TTLL9: variants seen among roughly 807,000 people sequenced by gnomAD.
TTLL9 encodes probable tubulin polyglutamylase TTLL9.
A neutral mutation model predicts 65.6 loss-of-function variants in TTLL9; 47 were observed. The ratio of observed to expected loss-of-function variants is 0.72; its 90% CI spans 0.57 to 0.91. The LOEUF (loss-of-function observed/expected upper bound fraction) is 0.91. Ranked by LOEUF, TTLL9 falls within the 40% of genes least tolerant of loss-of-function variation. TTLL9 has a pLI of 0.00. For synonymous variants in TTLL9, 179 were observed against 204.8 expected (o/e 0.87, Z 1.07); for missense variants, 537 against 568.8 (o/e 0.94, Z 0.57).
chr20:31,943,836 G>T lies in TTLL9; in HGVS notation c.*815G>T. The T allele has an allele frequency of 2.2e-6, 1 of 456,618 alleles. No homozygotes were observed. Among genetic ancestry groups the T allele is most frequent in the South Asian group, 1.5e-5 (1 of 64,556 alleles). 28.3% of individuals were successfully genotyped at this position (456,618 alleles called of 1,614,324 possible). On this transcript the variant is annotated 3_prime_UTR_variant, in exon 15 of 15. Coordinates refer to ENST00000535842, the MANE Select transcript of TTLL9 (RefSeq NM_001008409.5). ...TGGGCTCATGGGCAGGACAGCTTCG[G>T]GAGTTGAGTGTGAGTAAAAATCTGC...
chr20:31,874,817 G>A lies in TTLL9; in HGVS notation c.69+3622G>A, dbSNP rs145381537. On this transcript the variant is annotated intron_variant, in intron 2 of 14. Transcript: ENST00000535842. Reference sequence around the variant, plus strand: ...GGAGGCAGGAGAGTAGGAATCAGAGGGGATGAGATGACGGAAGCAGAAGTC... The same window carrying A: ...GGAGGCAGGAGAGTAGGAATCAGAGAGGATGAGATGACGGAAGCAGAAGTC... Among the ~76,000 whole-genome samples the A allele has an allele frequency of 6.8e-3, 1,039 of 152,268 alleles. 2 individuals carry two copies. Among genetic ancestry groups the A allele is most frequent in the Non-Finnish European group, 0.011 (735 of 68,020 alleles).
At chr20:31,895,805 T>A (rs1600547631) in intron 3 of TTLL9, among the ~76,000 whole-genome samples, 1 of 146,802 alleles carries the variant, frequency 6.8e-6, no homozygotes, top group South Asian at 2.2e-4. Flanking sequence ...AACAGTAAGG[T>A]TATTCATGTA....
intron 2 of TTLL9, among the ~76,000 whole-genome samples, chr20:31,882,884 T>A (rs1219233690): frequency 6.6e-6 from 1 of 151,724 alleles, no homozygotes; most frequent in Non-Finnish European, 1.5e-5. Flanking sequence ...AGAAGAAAAA[T>A]CCCCAAGGAA....
Position 31,934,898 on chromosome 20 carries a change from T to G in TTLL9, c.1004+10T>G. 6.2e-7 allele frequency: 1 copy of G among 1,605,636 alleles called. No homozygotes were observed. The highest frequency in any genetic ancestry group is 8.5e-7 in the Non-Finnish European group (1 of 1,174,452). On this transcript the variant is annotated intron_variant, in intron 12 of 14. Coordinates refer to ENST00000535842, the MANE Select transcript of TTLL9 (RefSeq NM_001008409.5). ...ACCAGGACCTCAAGCCGTAAGTGGG[T>G]GGGTGGGAGAGCCAGGAGGTCATAG...
Position 31,908,688 on chromosome 20 carries a change from C to G in TTLL9, c.304C>G (p.Arg102Gly). 6.2e-7 allele frequency: 1 copy of G among 1,614,024 alleles called. No homozygotes were observed. The highest frequency in any genetic ancestry group is 1.7e-5 in the Admixed American group (1 of 60,014). ...TGAACATGTGCGGATCAGTCACTTC[C>G]GGAACCACTATGAGGTGAGCTGGGC... ...MDEHVRISHF[R>G]NHYELTRKNY... is the part of the protein sequence containing the mutation. Residue 102 changes from arginine to glycine, a missense_variant, in exon 5 of 15, where the codon CGG (arginine) becomes GGG (glycine). Physicochemically the swap from Arg to Gly is moderately radical, Grantham distance 125. Coordinates refer to ENST00000535842, the MANE Select transcript of TTLL9 (RefSeq NM_001008409.5).
In TTLL9 at chr20:31,923,071, G is replaced by GC; in HGVS notation, c.664+19dup. The GC allele has an allele frequency of 1.3e-6, 2 of 1,577,784 alleles. No individual in the cohort carries two copies. Among genetic ancestry groups the GC allele is most frequent in the Non-Finnish European group, 8.7e-7 (1 of 1,147,066 alleles). On this transcript the variant is annotated intron_variant, in intron 8 of 14. Coordinates refer to ENST00000535842, the MANE Select transcript of TTLL9 (RefSeq NM_001008409.5). ...GATAGGAGGTGAGATGGCTGTGTCTGCTCCTGCTCTTCCATTGCATGGTCA... is the reference window on the plus strand; with the variant it reads ...GATAGGAGGTGAGATGGCTGTGTCTGCCTCCTGCTCTTCCATTGCATGGTCA...
intron 3 of TTLL9, among the ~76,000 whole-genome samples, chr20:31,893,942 A>G (rs2063346122): frequency 6.6e-6 from 1 of 152,018 alleles, no homozygotes; most frequent in South Asian, 2.1e-4. Context: ...CTGTTCATGT[A>G]TAAATTTTTT....
intron 10 of TTLL9, among the ~76,000 whole-genome samples, chr20:31,928,823 G>T (rs2063954846): frequency 6.6e-6 from 1 of 152,218 alleles, no homozygotes; most frequent in Admixed American, 6.5e-5. Context: ...CTTTAAGGAA[G>T]AATGTTTATG....
intron 4 of TTLL9, 100 bp from the exon 5 acceptor site, chr20:31,908,491 T>C (rs2063593549): frequency 2.6e-6 from 2 of 756,096 alleles, no homozygotes; most frequent in Non-Finnish European, 4.6e-6. Context: ...CACAGTGCTG[T>C]GTACCCTTCC....
At chr20:31,932,730 G>A (rs377083202) in intron 10 of TTLL9, among the ~76,000 whole-genome samples, 1 of 152,038 alleles carries the variant, frequency 6.6e-6, no homozygotes, top group East Asian at 1.9e-4. Flanking sequence ...GGGTGTGGTG[G>A]CTCACACCTG....
At chr20:31,873,159 G>T in intron 2 of TTLL9, 1 of 395,568 alleles carries the variant, frequency 2.5e-6, no homozygotes. Flanking sequence ...AGATTGACTG[G>T]ATGTGGGGGG....
At chr20:31,875,648 T>A (rs544233978) in intron 2 of TTLL9, among the ~76,000 whole-genome samples, 342 of 152,358 alleles carry the variant, frequency 2.2e-3, no homozygotes, top group Non-Finnish European at 4.1e-3. Context: ...ATCCTACTAT[T>A]ATGCATTCAA....
intron 6 of TTLL9, among the ~76,000 whole-genome samples, chr20:31,913,862 G>A (rs991339674): frequency 3.3e-5 from 5 of 152,228 alleles, no homozygotes; most frequent in Non-Finnish European, 5.9e-5. Flanking sequence ...AGGGTTGGTG[G>A]GGAGGTGGGC....
rs560963369 is a variant in TTLL9 at position 31,923,191 on chromosome 20, C to T, written c.664+138C>T. ...GATGCATGGAAAGAGATGGGTTCTG[C>T]AGTCTCCCACCTCCTAGCCATTGCC... On this transcript the variant is annotated intron_variant, in intron 8 of 14. Coordinates refer to ENST00000535842, the MANE Select transcript of TTLL9 (RefSeq NM_001008409.5). 2.4e-5 allele frequency: 16 copies of T among 677,644 alleles called. No individual in the cohort carries two copies. The East Asian group carries it at 3.9e-4, about 16-fold the overall frequency. The allele number at this position is 677,644 out of a possible 1,614,324, so 42.0% of individuals were successfully genotyped here. A position where few individuals can be genotyped will look rare whatever the true frequency, so the allele number is the denominator to read the frequency against.
intron 11 of TTLL9, 25 bp downstream of exon 11, chr20:31,933,883 C>G (rs1278498243): frequency 6.2e-7 from 1 of 1,609,620 alleles, no homozygotes; most frequent in African/African-American, 1.3e-5. Flanking sequence ...CTCGGCTATG[C>G]ACGGGTACAG....
chr20:31,932,873 G>A (rs2064043653), intron 10 of TTLL9, among the ~76,000 whole-genome samples: 2 of 152,114 alleles, frequency 1.3e-5, no homozygotes, highest in African/African-American at 4.8e-5. Flanking sequence ...GTGGGCACCT[G>A]TAATCCCCGC....
intron 4 of TTLL9, among the ~76,000 whole-genome samples, chr20:31,902,330 G>A (rs891352492): frequency 6.6e-5 from 10 of 151,960 alleles, no homozygotes; most frequent in Admixed American, 2.6e-4. Context: ...TTCACTTAAC[G>A]TAATGTTTTC....
intron 10 of TTLL9, among the ~76,000 whole-genome samples, chr20:31,931,778 G>A (rs1008132182): frequency 3.9e-5 from 6 of 152,128 alleles, no homozygotes; most frequent in Admixed American, 3.3e-4. Context: ...ATGTATTCTG[G>A]ATACTAGTCC....
intron 9 of TTLL9, 47 bp from the exon 10 acceptor site, chr20:31,926,002 C>A (rs767453041): frequency 6.2e-7 from 1 of 1,611,780 alleles, no homozygotes; most frequent in Admixed American, 1.7e-5. Context: ...CACACCTACC[C>A]CTTCCCACAC....
Sources: gnomAD v4.1 joint callset for allele counts (sites outside exome capture counted in the v4.1 genomes callset) on GRCh38, gnomAD v4.1.1 for gene constraint, MANE v1.5 for transcripts, NCBI Gene and HGNC (gene_info 2026-07-23, HGNC 2026-07-21) for gene names.